Variants in ADAP1 observed in about 807,000 individuals in gnomAD.
ADAP1 encodes the protein ArfGAP with dual PH domains 1, also known as arf-GAP with dual PH domain-containing protein 1.
In ADAP1, 31 loss-of-function variants were observed where a neutral mutation model predicts 54.9. That is an observed-to-expected ratio of 0.56 (90% CI 0.42 to 0.76). The LOEUF (loss-of-function observed/expected upper bound fraction) is 0.76. Ranked by LOEUF, ADAP1 falls within the 30% of genes least tolerant of loss-of-function variation. The pLI, the probability that ADAP1 is intolerant of heterozygous loss-of-function variation, is 0.00. For missense variants in ADAP1, 535 were observed against 512.4 expected (o/e 1.04, Z -0.42); for synonymous variants, 313 against 202.6 (o/e 1.55, Z -4.63).
intron 8 of ADAP1, 52 bp downstream of exon 8, chr7:900,050 C>A: frequency 6.2e-7 from 1 of 1,604,230 alleles, no homozygotes; most frequent in Non-Finnish European, 8.5e-7. Flanking sequence ...CAGTCCGAGA[C>A]CCACCATGGC....
intron 4 of ADAP1, among the ~76,000 whole-genome samples, chr7:914,436 T>A (rs560930683): frequency 1.3e-5 from 2 of 151,830 alleles, no homozygotes; most frequent in Non-Finnish European, 2.9e-5. Flanking sequence ...CTGGGAGGGG[T>A]TGGGAGGCCC....
At chr7:904,756 T>C (rs1441995346) in intron 5 of ADAP1, among the ~76,000 whole-genome samples, 2 of 152,194 alleles carry the variant, frequency 1.3e-5, no homozygotes, top group Non-Finnish European at 2.9e-5. Flanking sequence ...CTTTCTGGGG[T>C]CCTGGCTGGC....
intron 1 of ADAP1, among the ~76,000 whole-genome samples, chr7:943,602 G>T (rs866821398): frequency 4.1e-4 from 14 of 33,798 alleles, no homozygotes; most frequent in Non-Finnish European, 6.3e-4. Flanking sequence ...GGAGAGAGGA[G>T]GAGGAAGGGA....
chr7:912,722 A>T (rs1214626445), intron 4 of ADAP1, among the ~76,000 whole-genome samples: 1 of 152,044 alleles, frequency 6.6e-6, no homozygotes, highest in Non-Finnish European at 1.5e-5. Flanking sequence ...TTTTATTTTG[A>T]TACGGAATCT....
chr7:942,045 G>C (rs1846951846), intron 1 of ADAP1, among the ~76,000 whole-genome samples: 1 of 152,218 alleles, frequency 6.6e-6, no homozygotes, highest in Admixed American at 6.5e-5. Context: ...GTTCTGGAGA[G>C]AGCGAACAAT....
At chr7:911,863 G>C (rs1845737430) in intron 4 of ADAP1, among the ~76,000 whole-genome samples, 1 of 152,076 alleles carries the variant, frequency 6.6e-6, no homozygotes, top group African/African-American at 2.4e-5. Flanking sequence ...GGGGCAATGG[G>C]GCAGCCCTAC....
chr7:904,682 C>T (rs115919128), intron 5 of ADAP1, among the ~76,000 whole-genome samples: 123 of 152,346 alleles, frequency 8.1e-4, no homozygotes, highest in African/African-American at 2.9e-3. Flanking sequence ...CCCCACTGTT[C>T]TTGCCAATGT....
rs1845580188 is a variant in ADAP1, at chr7:908,681, C to T, written c.389-3509G>A. On this transcript the variant is annotated intron_variant, in intron 4 of 10. Coordinates refer to ENST00000265846, the MANE Select transcript of ADAP1 (RefSeq NM_006869.4). ...CACGGCTCTGCCTCCGACATCAGGA[C>T]CTCTTTGGACGCGGCGCTTCGTGGC... 2.0e-5 allele frequency among the ~76,000 whole-genome samples: 3 copies of T among 152,224 alleles called. 1 individual carries two copies. The South Asian group carries it at 6.2e-4, about 31-fold the overall frequency.
Position 905,113 on chromosome 7 carries a change from T to G in ADAP1, c.448A>C (p.Lys150Gln). The change falls in exon 5 of 11, where the codon AAG (lysine) becomes CAG (glutamine). Residue 150 changes from lysine to glutamine, a missense_variant. Coordinates refer to ENST00000265846, the MANE Select transcript of ADAP1 (RefSeq NM_006869.4). ...CCCTCTCGTTCTGTCAGCACAAACT[T>G]CCGGCTCAAAAACTGCCCGTTGTCC... ...GRDNGQFLSRKFVLTEREGAL... is the reference protein window; with the variant it reads ...GRDNGQFLSRQFVLTEREGAL... The G allele has an allele frequency of 6.2e-7, 1 of 1,612,518 alleles. No homozygotes were observed. Among genetic ancestry groups the G allele is most frequent in the Non-Finnish European group, 8.5e-7 (1 of 1,179,904 alleles).
In ADAP1 at chr7:906,872, G is replaced by A. The variant is rs1309244588; in HGVS notation, c.389-1700C>T. On this transcript the variant is annotated intron_variant, in intron 4 of 10. Coordinates refer to ENST00000265846, the MANE Select transcript of ADAP1 (RefSeq NM_006869.4). ...GGGGATATGACAGTGGACCAGCGCT[G>A]TTGGCTGCAACCCTGGCCCAAGCCA... is the stretch of plus-strand genomic sequence containing the variant. 3.0e-5 allele frequency among the ~76,000 whole-genome samples: 4 copies of A among 133,066 alleles called. No homozygotes were observed. In the South Asian group the frequency reaches 1.1e-3, roughly 35 times the overall value. The allele number at this position is 133,066 out of a possible 152,430, so 87.3% of individuals were successfully genotyped here.
intron 4 of ADAP1, 80 bp downstream of exon 4, chr7:919,888 G>A: frequency 2.3e-6 from 2 of 875,550 alleles, no homozygotes; most frequent in Non-Finnish European, 1.7e-6. Flanking sequence ...GATGGGGGAG[G>A]GAGGGAAAGA....
intron 4 of ADAP1, 60 bp from the exon 5 acceptor site, chr7:905,232 G>C (rs1483384886): frequency 6.7e-6 from 9 of 1,340,198 alleles, no homozygotes; most frequent in Non-Finnish European, 9.4e-6. Flanking sequence ...AACAAAAGGA[G>C]TGACGATGGA....
upstream of ADAP1, chr7:955,187 C>G: frequency 9.9e-7 from 1 of 1,012,808 alleles, no homozygotes; most frequent in Non-Finnish European, 1.5e-6. Flanking sequence ...CCACCACCCA[C>G]AGATGGGACC....
chr7:898,408 C>T lies in ADAP1; in HGVS notation c.*513G>A, dbSNP rs1343032270. ...CCGGGACCTGTGTGGATAATCCACC[C>T]AAACACCCCACGGCCCTCATAGCCC... On this transcript the variant is annotated 3_prime_UTR_variant, in exon 11 of 11. Coordinates refer to ENST00000265846, the MANE Select transcript of ADAP1 (RefSeq NM_006869.4). 2.6e-5 allele frequency: 5 copies of T among 193,234 alleles called. No homozygotes were observed. In the South Asian group the frequency reaches 5.0e-4, roughly 19 times the overall value. The allele number at this position is 193,234 out of a possible 1,614,324, so 12.0% of individuals were successfully genotyped here. A position where few individuals can be genotyped will look rare whatever the true frequency, so the allele number is the denominator to read the frequency against.
intron 10 of ADAP1, 37 bp from the exon 11 acceptor site, chr7:898,986 G>T: frequency 6.2e-7 from 1 of 1,610,220 alleles, no homozygotes; most frequent in Non-Finnish European, 8.5e-7. Flanking sequence ...TCACAGCGGC[G>T]GGGAGCTGGG....
intron 4 of ADAP1, among the ~76,000 whole-genome samples, chr7:914,153 G>C (rs1177729795): frequency 1.3e-5 from 2 of 152,198 alleles, no homozygotes; most frequent in East Asian, 1.9e-4. Context: ...CAGCCTCTAG[G>C]AGTTCTTGGT....
In ADAP1 at chr7:898,375, G is replaced by C. The variant is rs1163451942; in HGVS notation, c.*546C>G. On this transcript the variant is annotated 3_prime_UTR_variant, in exon 11 of 11. Coordinates refer to ENST00000265846, the MANE Select transcript of ADAP1 (RefSeq NM_006869.4). ...CACAGGCTGTGGCAACTCCAGCCCG[G>C]GCAGGGGCCGGGACCTGTGTGGATA... The C allele has an allele frequency of 7.4e-5, 13 of 174,592 alleles. No homozygotes were observed. Among genetic ancestry groups the C allele is most frequent in the Non-Finnish European group, 1.4e-4 (11 of 80,918 alleles). 10.8% of individuals were successfully genotyped at this position (174,592 alleles called of 1,614,324 possible). A position where few individuals can be genotyped will look rare whatever the true frequency, so the allele number is the denominator to read the frequency against.
At chr7:919,305 C>A (rs765663256) in intron 4 of ADAP1, among the ~76,000 whole-genome samples, 1 of 152,168 alleles carries the variant, frequency 6.6e-6, no homozygotes, top group African/African-American at 2.4e-5. Flanking sequence ...CTGCAGGCCA[C>A]CCCCGAATGG....
chr7:924,486 A>G (rs62430831), intron 3 of ADAP1, among the ~76,000 whole-genome samples: 17 of 53,482 alleles, frequency 3.2e-4, no homozygotes, highest in South Asian at 1.9e-3. Context: ...GTTACACAGC[A>G]GGTCCACGCT....
Sources: allele counts gnomAD v4.1 joint callset (sites outside exome capture counted in the v4.1 genomes callset), GRCh38; gene constraint gnomAD v4.1.1; transcripts MANE v1.5; gene names NCBI Gene and HGNC (gene_info 2026-07-23, HGNC 2026-07-21).